The following SYNE2 variants were observed in gnomAD, a reference collection of about 807,000 sequenced individuals.
SYNE2 encodes nesprin-2.
In SYNE2, 431 loss-of-function variants were observed where a neutral mutation model predicts 856.3. The observed-to-expected ratio is 0.50, with a 90% CI of 0.47 to 0.55. The LOEUF is 0.55. SYNE2 is among the 20% of genes least tolerant of loss of function. The pLI is 0.00. For missense variants in SYNE2, 8,129 were observed against 8,023.2 expected, an observed-to-expected ratio of 1.01 and a Z score of -0.50; for synonymous variants, 2,923 against 2,872.3, an observed-to-expected ratio of 1.02 and a Z score of -0.56.
intron 84 of SYNE2, among the ~76,000 whole-genome samples, chr14:64,151,502 AG>A (rs1199305315): frequency 1.0e-5 from 1 of 99,456 alleles, no homozygotes; most frequent in Admixed American, 1.0e-4. Context: ...CCTTAGGCAA[AG>A]CAATTTTCAA....
chr14:64,034,278 G>A (rs777463976), intron 45 of SYNE2, among the ~76,000 whole-genome samples: 1 of 152,118 alleles, frequency 6.6e-6, no homozygotes, highest in Non-Finnish European at 1.5e-5. Flanking sequence ...CACTACTTGA[G>A]ACTTATTTTG....
chr14:64,132,581 C>A, intron 77 of SYNE2, 143 bp downstream of exon 77: 1 of 1,162,976 alleles, frequency 8.6e-7, no homozygotes, highest in Non-Finnish European at 1.2e-6. Flanking sequence ...GACCCCTGCT[C>A]AGGTTCTGAG....
At chr14:63,944,478 G>T (rs1042154587) in intron 6 of SYNE2, among the ~76,000 whole-genome samples, 33 of 149,536 alleles carry the variant, frequency 2.2e-4, no homozygotes, top group African/African-American at 7.4e-4. Flanking sequence ...ATTCTTAGAA[G>T]TGGCATTGTG....
chr14:63,810,234 AAG>A (rs753245037), intron 1 of SYNE2, among the ~76,000 whole-genome samples: 9 of 150,470 alleles, frequency 6.0e-5, no homozygotes, highest in Admixed American at 1.3e-4. Flanking sequence ...AAAAAAAAAA[AAG>A]AGAGAGAGAG....
intron 2 of SYNE2, among the ~76,000 whole-genome samples, chr14:63,933,326 C>CG (rs2095789733): frequency 1.3e-5 from 2 of 152,304 alleles, no homozygotes; most frequent in African/African-American, 4.8e-5. Flanking sequence ...AATGACCTTG[C>CG]TGAGACTTAG....
At chr14:63,869,179 C>T (rs1202336582) in intron 1 of SYNE2, among the ~76,000 whole-genome samples, 5 of 152,222 alleles carry the variant, frequency 3.3e-5, no homozygotes, top group Admixed American at 6.5e-5. Flanking sequence ...TGAAAAGTGT[C>T]CCAGAGAGCA....
intron 99 of SYNE2, chr14:64,190,601 G>T (rs1460729721): frequency 2.8e-6 from 2 of 702,234 alleles, no homozygotes; most frequent in Non-Finnish European, 5.2e-6. Context: ...TCCTGCCTCA[G>T]TATGGCAGAT....
intron 100 of SYNE2, among the ~76,000 whole-genome samples, chr14:64,207,346 G>T (rs1227787858): frequency 6.6e-6 from 1 of 152,162 alleles, no homozygotes; most frequent in Non-Finnish European, 1.5e-5. Flanking sequence ...AGGCCAAGGA[G>T]GGTGGATCAC....
intron 46 of SYNE2, chr14:64,048,896 G>C (rs1303134881): frequency 7.8e-6 from 1 of 128,640 alleles, no homozygotes; most frequent in African/African-American, 3.1e-5. Flanking sequence ...ATGATGGAGC[G>C]AGATCCTGTC....
intron 1 of SYNE2, among the ~76,000 whole-genome samples, chr14:63,839,278 C>T (rs902702865): frequency 2.0e-5 from 3 of 152,166 alleles, no homozygotes; most frequent in Admixed American, 6.6e-5. Flanking sequence ...ATCCGCCTAC[C>T]TTGGCCTCCC....
chr14:63,810,495 C>T (rs1595132408), intron 1 of SYNE2, among the ~76,000 whole-genome samples: 3 of 152,170 alleles, frequency 2.0e-5, no homozygotes, highest in African/African-American at 7.2e-5. Context: ...AAAATACAAA[C>T]AAACTTTTGA....
intron 1 of SYNE2, among the ~76,000 whole-genome samples, chr14:63,906,224 T>G (rs562149245): frequency 5.3e-4 from 81 of 152,300 alleles, no homozygotes; most frequent in African/African-American, 1.9e-3. Flanking sequence ...TGTTGAGAAT[T>G]TTTGCATCTA....
At chr14:63,803,180 C>T (rs1237763476) in intron 1 of SYNE2, among the ~76,000 whole-genome samples, 1 of 152,240 alleles carries the variant, frequency 6.6e-6, no homozygotes, top group Non-Finnish European at 1.5e-5. Context: ...CCCCACCAGA[C>T]TCAGGACCCC....
At chr14:63,997,497 G>A in intron 25 of SYNE2, 106 bp downstream of exon 25, 1 of 974,584 alleles carries the variant, frequency 1.0e-6, no homozygotes. Flanking sequence ...TTATTCGATT[G>A]TTTTTATCAA....
At chr14:64,063,330 G>C (rs866789761) in intron 50 of SYNE2, among the ~76,000 whole-genome samples, 1 of 152,178 alleles carries the variant, frequency 6.6e-6, no homozygotes, top group Non-Finnish European at 1.5e-5. Flanking sequence ...TTATAGGCGC[G>C]AGCCACTGCG....
Position 64,210,015 on chromosome 14 carries a change from G to T in SYNE2, c.18614G>T (p.Arg6205Leu), listed in dbSNP as rs1431570657. Residue 6205 changes from arginine (R) to leucine (L), a missense_variant, in exon 103 of 116, where the codon CGG (arginine) becomes CTG (leucine). Arg to Leu is a moderately radical substitution (Grantham distance 102). Transcript: ENST00000555002. ...AACAAGCAGTACCGGCGGCTGGCCCGGGAGAACCGCACAGACACGGCCAGC... is the reference window on the plus strand; with the variant it reads ...AACAAGCAGTACCGGCGGCTGGCCCTGGAGAACCGCACAGACACGGCCAGC... ...LINKQYRRLA[R>L]ENRTDTASRL... The T allele has an allele frequency of 1.2e-6, 2 of 1,614,074 alleles. No homozygotes were observed. Among genetic ancestry groups the T allele is most frequent in the Admixed American group, 1.7e-5 (1 of 60,026 alleles).
At chr14:63,851,954 C>T (rs1763467652), upstream of SYNE2, among the ~76,000 whole-genome samples, 1 of 114,064 alleles carries the variant, frequency 8.8e-6, no homozygotes, top group Non-Finnish European at 1.6e-5. Flanking sequence ...GTGTCGTGCG[C>T]CTGTGGTCCC....
intron 1 of SYNE2, among the ~76,000 whole-genome samples, chr14:63,835,593 G>C (rs896172449): frequency 6.9e-6 from 1 of 144,304 alleles, no homozygotes; most frequent in Non-Finnish European, 1.5e-5. Flanking sequence ...GTGTGTGTGT[G>C]TATTTCCAGC....
At chr14:64,146,921 TG>T (rs1176015098) in intron 84 of SYNE2, among the ~76,000 whole-genome samples, 1 of 152,226 alleles carries the variant, frequency 6.6e-6, no homozygotes, top group African/African-American at 2.4e-5. Context: ...CCATTTCTAC[TG>T]AGGAGGTCAC....
Sources: gnomAD v4.1 joint callset for allele counts (sites outside exome capture counted in the v4.1 genomes callset) on GRCh38, gnomAD v4.1.1 for gene constraint, MANE v1.5 for transcripts, NCBI Gene and HGNC (gene_info 2026-07-23, HGNC 2026-07-21) for gene names.